Variants in KIF26A observed in about 807,000 individuals in gnomAD.
The protein encoded by KIF26A is kinesin-like protein KIF26A.
Under a neutral mutation model 126.0 loss-of-function variants are expected in KIF26A, and 74 were observed. That is an observed-to-expected ratio of 0.59 (90% CI 0.49 to 0.71). KIF26A has a LOEUF of 0.71. Ranked by LOEUF, KIF26A falls within the 30% of genes least tolerant of loss-of-function variation. The probability of loss-of-function intolerance (pLI) is 0.00; values close to 1 mark genes in which losing one functional copy is unlikely to be tolerated. For missense variants in KIF26A, 2,984 were observed against 2,763.3 expected (o/e 1.08, Z -1.79); for synonymous variants, 1,445 against 1,232.7 (o/e 1.17, Z -3.61).
chr14:104,158,020 G>A lies in KIF26A; in HGVS notation c.923+78G>A, dbSNP rs1368858872. 4.4e-6 allele frequency: 6 copies of A among 1,353,570 alleles called. No individual in the cohort carries two copies. The African/African-American group carries it at 7.6e-5, about 17-fold the overall frequency. The allele number at this position is 1,353,570 out of a possible 1,614,324, so 83.8% of individuals were successfully genotyped here. On this transcript the variant is annotated intron_variant, in intron 4 of 14. Coordinates refer to ENST00000423312, the MANE Select transcript of KIF26A (RefSeq NM_015656.2). Reference sequence around the variant, plus strand: ...GCTGTGGGCCCCTGGGGACCTATGGGCCGTTCTTGGGGGACCTCGGGCATG... The same window carrying A: ...GCTGTGGGCCCCTGGGGACCTATGGACCGTTCTTGGGGGACCTCGGGCATG...
At position 104,151,736 on chromosome 14, in the gene KIF26A, G is replaced by A. The variant is rs1175718653; in HGVS notation, c.289-279G>A. On this transcript the variant is annotated intron_variant, in intron 2 of 14. Transcript: ENST00000423312. The surrounding 1 kb of genome is among the most constrained non-coding windows in gnomAD (Gnocchi z 4.9). ...ACAGTGGTCCGGTTGTCCGGGAGCC[G>A]CAAACCTGCCTTGTTAGCCGCAGGC... Among the ~76,000 whole-genome samples, 3 of 152,220 alleles carry A rather than the reference G, an allele frequency of 2.0e-5. No homozygotes were observed. The highest frequency in any genetic ancestry group is 4.4e-5 in the Non-Finnish European group (3 of 68,050).
chr14:104,138,688 G>T lies in KIF26A; in HGVS notation c.-35G>T. On this transcript the variant is annotated 5_prime_UTR_variant, in exon 1 of 15. Transcript: ENST00000423312. Reference sequence around the variant, plus strand: ...GCGCCCCCGGAGAGCCAGCGTGGCCGGGAGCGCCTGCCGGGCTCTTCCCGC... The same window carrying T: ...GCGCCCCCGGAGAGCCAGCGTGGCCTGGAGCGCCTGCCGGGCTCTTCCCGC... 2 of 1,264,030 alleles carry T rather than the reference G, an allele frequency of 1.6e-6. No individual in the cohort carries two copies. Among genetic ancestry groups the T allele is most frequent in the South Asian group, 2.5e-5 (1 of 39,940 alleles). 78.3% of individuals were successfully genotyped at this position (1,264,030 alleles called of 1,614,324 possible).
chr14:104,170,658 G>A (rs78086795), intron 5 of KIF26A, among the ~76,000 whole-genome samples: 1 of 152,270 alleles, frequency 6.6e-6, no homozygotes, highest in Admixed American at 6.5e-5. Flanking sequence ...CTGCGTTGGA[G>A]CCCTGGTTCA....
Position 104,157,951 on chromosome 14 carries a change from T to C in KIF26A, c.923+9T>C. 2 of 1,484,546 alleles carry C rather than the reference T, an allele frequency of 1.3e-6. No homozygotes were observed. Among genetic ancestry groups the C allele is most frequent in the South Asian group, 1.4e-5 (1 of 72,604 alleles). 92.0% of individuals were successfully genotyped at this position (1,484,546 alleles called of 1,614,324 possible). A position where few individuals can be genotyped will look rare whatever the true frequency, so the allele number is the denominator to read the frequency against. On this transcript the variant is annotated intron_variant, in intron 4 of 14. Transcript: ENST00000423312. ...GCCTCCTTCTTCATAAGGTATGTCC[T>C]GGGGCTTCCTGGGCAGCCTTGTGGG...
In KIF26A at chr14:104,151,625, C is replaced by T. The variant is rs530716162; in HGVS notation, c.289-390C>T. Among the ~76,000 whole-genome samples, 55 of 152,312 alleles carry T rather than the reference C, an allele frequency of 3.6e-4. No homozygotes were observed. The South Asian group carries it at 9.1e-3, about 25-fold the overall frequency. ...TTGAGTGAGTGTGGGTGAGGGAGGC[C>T]CTCGTGGCTCTGAAGAGACGTTGCT... On this transcript the variant is annotated intron_variant, in intron 2 of 14. Transcript: ENST00000423312. This position sits in a 1 kb window ranked among gnomAD's most constrained non-coding sequence, Gnocchi z 4.9.
At chr14:104,179,040 T>TG (rs1555390247) in intron 13 of KIF26A, among the ~76,000 whole-genome samples, 196 bp from the exon 14 acceptor site, 1 of 152,022 alleles carries the variant, frequency 6.6e-6, no homozygotes, top group African/African-American at 2.4e-5. Context: ...GTGGGGAGGG[T>TG]GGTCCTAGAG....
intron 4 of KIF26A, among the ~76,000 whole-genome samples, chr14:104,165,568 T>C (rs992504907): frequency 1.1e-4 from 16 of 146,586 alleles, no homozygotes; most frequent in Admixed American, 1.3e-4. Flanking sequence ...TGTGTGTTTC[T>C]GTATGCATGT....
chr14:104,148,148 C>T lies in KIF26A; in HGVS notation c.289-3867C>T, dbSNP rs188361209. 3.3e-5 allele frequency among the ~76,000 whole-genome samples: 5 copies of T among 152,208 alleles called. No individual in the cohort carries two copies. Among genetic ancestry groups the T allele is most frequent in the East Asian group, 1.9e-4 (1 of 5,156 alleles). On this transcript the variant is annotated intron_variant, in intron 2 of 14. Coordinates refer to ENST00000423312, the MANE Select transcript of KIF26A (RefSeq NM_015656.2). This position sits in a 1 kb window ranked among gnomAD's most constrained non-coding sequence, Gnocchi z 4.3. ...GCGGGGAGTCCCCGGTAAAGTCCCC[C>T]GGGCCTCACACGCAGGAGAAAATGG...
Position 104,179,825 on chromosome 14 carries a change from C to T in KIF26A, c.*35C>T, listed in dbSNP as rs45488896. On this transcript the variant is annotated 3_prime_UTR_variant, in exon 15 of 15. Coordinates refer to ENST00000423312, the MANE Select transcript of KIF26A (RefSeq NM_015656.2). ...CCGGACAAGAGGAGGGGGCGTGCAG[C>T]GGGCTGGAGGACGGGACGTGGGACG... 34,727 of 1,469,800 alleles carry T rather than the reference C, an allele frequency of 0.024. 482 individuals are homozygous for T. The highest frequency in any genetic ancestry group is 0.028 in the Non-Finnish European group (31,059 of 1,109,672). The allele number at this position is 1,469,800 out of a possible 1,614,324, so 91.0% of individuals were successfully genotyped here.
chr14:104,144,472 T>G (rs1566854001), intron 2 of KIF26A, among the ~76,000 whole-genome samples: 1 of 152,182 alleles, frequency 6.6e-6, no homozygotes, highest in Non-Finnish European at 1.5e-5. Flanking sequence ...CTCAGAGTCC[T>G]GCTGGAGGGG....
At position 104,176,066 on chromosome 14, in the gene KIF26A, G is replaced by A. The variant is rs557549780; in HGVS notation, c.3278G>A (p.Gly1093Glu). 6 of 1,596,236 alleles carry A rather than the reference G, an allele frequency of 3.8e-6. No individual in the cohort carries two copies. Among genetic ancestry groups the A allele is most frequent in the African/African-American group, 2.7e-5 (2 of 74,672 alleles). ...GCCTACACCTCTCAGGCCCCTGAGG[G>A]GGGGCCCCTGGAGGGGGCAGCCTGG... ...FDAYTSQAPE[G>E]GPLEGAAWAG... Residue 1093 changes from glycine to glutamate, a missense_variant, in exon 12 of 15, where the codon GGG (glycine) becomes GAG (glutamate). Physicochemically the swap from Gly to Glu is moderately conservative, Grantham distance 98. Transcript: ENST00000423312.
chr14:104,173,901 G>A, intron 10 of KIF26A, 33 bp downstream of exon 10: 1 of 1,539,586 alleles, frequency 6.5e-7, no homozygotes, highest in South Asian at 1.2e-5. Context: ...TGCCGACCAG[G>A]GTGGCCCCTT....
At position 104,177,360 on chromosome 14, in the gene KIF26A, C is replaced by T. The variant is rs2038044085; in HGVS notation, c.4572C>T (p.Gly1524=). 2.7e-6 allele frequency: 4 copies of T among 1,489,146 alleles called. No homozygotes were observed. Among genetic ancestry groups the T allele is most frequent in the African/African-American group, 1.4e-5 (1 of 71,484 alleles). 92.2% of individuals were successfully genotyped at this position (1,489,146 alleles called of 1,614,324 possible). A position where few individuals can be genotyped will look rare whatever the true frequency, so the allele number is the denominator to read the frequency against. The part of the protein sequence containing the change: ...SVKLSTASVT[G]RSPGGPVAGP... The stretch of plus-strand genomic sequence containing the variant: ...AGCTGTCTACGGCCTCTGTGACGGG[C>T]AGGAGCCCTGGCGGCCCTGTGGCCG... Residue 1524 remains glycine, a synonymous_variant, in exon 12 of 15, where the codon GGC becomes GGT. Coordinates refer to ENST00000423312, the MANE Select transcript of KIF26A (RefSeq NM_015656.2).
In KIF26A at chr14:104,177,978, G is replaced by A. The variant is rs575924143; in HGVS notation, c.5110+80G>A. The A allele has an allele frequency of 1.0e-4, 142 of 1,369,264 alleles. No individual in the cohort carries two copies. The African/African-American group carries it at 1.7e-3, about 17-fold the overall frequency. 84.8% of individuals were successfully genotyped at this position (1,369,264 alleles called of 1,614,324 possible). On this transcript the variant is annotated intron_variant, in intron 12 of 14. Coordinates refer to ENST00000423312, the MANE Select transcript of KIF26A (RefSeq NM_015656.2). ...GTGCACAGCCCTCTACAGTTTACAG[G>A]GCCAGGAGATGCTGGACAGATGGGC...
intron 5 of KIF26A, among the ~76,000 whole-genome samples, chr14:104,171,317 C>T (rs752937015): frequency 2.6e-5 from 4 of 152,226 alleles, no homozygotes; most frequent in Non-Finnish European, 5.9e-5. Flanking sequence ...TGCAAGTGCT[C>T]CCCCTCAGCC....
At chr14:104,145,261 G>T (rs572597336) in intron 2 of KIF26A, among the ~76,000 whole-genome samples, 1 of 152,212 alleles carries the variant, frequency 6.6e-6, no homozygotes, top group Non-Finnish European at 1.5e-5. Context: ...TTTCGTTCAC[G>T]GGCGTGCCCT....
At chr14:104,154,036 C>G (rs188614114) in intron 3 of KIF26A, among the ~76,000 whole-genome samples, 1 of 152,322 alleles carries the variant, frequency 6.6e-6, no homozygotes, top group African/African-American at 2.4e-5. Flanking sequence ...ATTATTAGAA[C>G]CATAAATAGA....
intron 2 of KIF26A, among the ~76,000 whole-genome samples, chr14:104,147,211 C>A (rs1244128623): frequency 6.6e-6 from 1 of 152,196 alleles, no homozygotes; most frequent in Non-Finnish European, 1.5e-5. Flanking sequence ...GCCATCCTTG[C>A]CTGTCTGGCC....
Position 104,139,714 on chromosome 14 carries a change from A to C in KIF26A, c.288+426A>C, listed in dbSNP as rs564997193. 2.2e-4 allele frequency among the ~76,000 whole-genome samples: 33 copies of C among 152,274 alleles called. 1 individual carries two copies. The East Asian group carries it at 6.4e-3, about 29-fold the overall frequency. On this transcript the variant is annotated intron_variant, in intron 2 of 14. Transcript: ENST00000423312. ...CCCCAGCCAGGTGTCTGGAAATTACATACCTGGGGCCGGGGGGCCTGGCAG... is the reference window on the plus strand; with the variant it reads ...CCCCAGCCAGGTGTCTGGAAATTACCTACCTGGGGCCGGGGGGCCTGGCAG...
Sources: allele counts gnomAD v4.1 joint callset (sites outside exome capture counted in the v4.1 genomes callset), GRCh38; gene constraint gnomAD v4.1.1; non-coding constraint Gnocchi (gnomAD v3.1); transcripts MANE v1.5; gene names NCBI Gene and HGNC (gene_info 2026-07-23, HGNC 2026-07-21).